GRIK2: variants seen among roughly 807,000 people sequenced by gnomAD.
The protein encoded by GRIK2 is glutamate ionotropic receptor kainate type subunit 2.
Under a neutral mutation model 100.3 loss-of-function variants are expected in GRIK2, and 32 were observed. The observed-to-expected ratio is 0.32, with a 90% CI of 0.24 to 0.43. GRIK2 has a LOEUF of 0.43. Among genes scored for constraint, GRIK2 ranks in the 20% least tolerant of loss-of-function variants. The probability of loss-of-function intolerance (pLI) is 1.00; values close to 1 mark genes in which losing one functional copy is unlikely to be tolerated. For synonymous variants in GRIK2, 417 were observed against 389.4 expected (o/e 1.07, Z -0.83); for missense variants, 843 against 1,114.9 (o/e 0.76, Z 3.47).
intron 7 of GRIK2, among the ~76,000 whole-genome samples, chr6:101,724,376 G>A (rs569891145): frequency 6.6e-6 from 1 of 151,488 alleles, no homozygotes; most frequent in Non-Finnish European, 1.5e-5. Flanking sequence ...TTCCTGTATC[G>A]ATCGTGCCCA....
intron 2 of GRIK2, among the ~76,000 whole-genome samples, chr6:101,522,896 A>G (rs1259353211): frequency 6.7e-6 from 1 of 150,320 alleles, no homozygotes; most frequent in African/African-American, 2.4e-5. Context: ...AGCCAAATAT[A>G]TTTATTATAT....
At chr6:101,404,450 A>G (rs1775495037) in intron 2 of GRIK2, among the ~76,000 whole-genome samples, 1 of 152,240 alleles carries the variant, frequency 6.6e-6, no homozygotes, top group Non-Finnish European at 1.5e-5. Flanking sequence ...TAGAAATTAA[A>G]CGTTCAGGTG....
rs573432155 is a variant in GRIK2, at chr6:101,427,909, G to A, written c.115+28517G>A. The stretch of plus-strand genomic sequence containing the variant: ...TGATGTAAAATTTCTGGGATGCTTC[G>A]ATGGATCACAGAGGCAATGGGTAAT... On this transcript the variant is annotated intron_variant, in intron 2 of 16. Coordinates refer to ENST00000369134, the MANE Select transcript of GRIK2 (RefSeq NM_021956.5). Among the ~76,000 whole-genome samples the A allele has an allele frequency of 1.4e-4, 21 of 152,244 alleles. No individual in the cohort carries two copies. In the East Asian group the frequency reaches 2.3e-3, roughly 17 times the overall value.
chr6:101,692,288 G>A (rs1772166296), intron 7 of GRIK2, among the ~76,000 whole-genome samples: 1 of 151,976 alleles, frequency 6.6e-6, no homozygotes, highest in African/African-American at 2.4e-5. Context: ...GAAGCATTTT[G>A]AAAAAGTTGG....
intron 2 of GRIK2, among the ~76,000 whole-genome samples, chr6:101,523,066 G>A (rs1206065612): frequency 6.6e-6 from 1 of 151,772 alleles, no homozygotes; most frequent in African/African-American, 2.4e-5. Flanking sequence ...ATTTTCACAT[G>A]GTATGCAACA....
chr6:101,533,003 G>A (rs2518259), intron 2 of GRIK2, among the ~76,000 whole-genome samples: 136,235 of 151,826 alleles, frequency 0.9, 61,294 homozygotes, highest in African/African-American at 0.95. Flanking sequence ...AAATAAATAA[G>A]TTGAGGAAAT....
chr6:101,995,539 C>A (rs1354123490), intron 14 of GRIK2, among the ~76,000 whole-genome samples: 1 of 151,888 alleles, frequency 6.6e-6, no homozygotes, highest in Admixed American at 6.6e-5. Context: ...TACTTGACAG[C>A]AAAGAGCAGA....
intron 2 of GRIK2, among the ~76,000 whole-genome samples, chr6:101,453,614 G>A (rs1332895080): frequency 2.0e-5 from 3 of 151,790 alleles, no homozygotes; most frequent in South Asian, 2.1e-4. Flanking sequence ...AGTTTCCACC[G>A]TCTTATTAGT....
chr6:102,053,033 AC>A (rs1428859303), intron 15 of GRIK2, among the ~76,000 whole-genome samples: 1 of 151,774 alleles, frequency 6.6e-6, no homozygotes, highest in Non-Finnish European at 1.5e-5. Flanking sequence ...CCACCACTGC[AC>A]TCCAGCCTGG....
chr6:101,623,919 C>T (rs1165585803), intron 3 of GRIK2, among the ~76,000 whole-genome samples: 1 of 151,704 alleles, frequency 6.6e-6, no homozygotes, highest in Non-Finnish European at 1.5e-5. Context: ...ATAACAGAGC[C>T]AATATTTTTT....
rs1037933280 is a variant in GRIK2 at position 101,494,989 on chromosome 6, A to G, written c.115+95597A>G. ...TATGCATTTATATATATATATATAT[A>G]TATATATATATGAAGGAAAATTATA... On this transcript the variant is annotated intron_variant, in intron 2 of 16. Transcript: ENST00000369134. Among the ~76,000 whole-genome samples the G allele has an allele frequency of 3.0e-4, 43 of 145,586 alleles. 2 individuals carry two copies. The highest frequency in any genetic ancestry group is 4.5e-5 in the Non-Finnish European group (3 of 66,340).
At chr6:101,919,018 A>T (rs1789321384) in intron 12 of GRIK2, among the ~76,000 whole-genome samples, 1 of 151,788 alleles carries the variant, frequency 6.6e-6, no homozygotes, top group African/African-American at 2.4e-5. Flanking sequence ...CTTTTCACTT[A>T]ATAGAAACAG....
intron 7 of GRIK2, among the ~76,000 whole-genome samples, chr6:101,734,282 T>C (rs186547541): frequency 1.6e-3 from 251 of 152,294 alleles, no homozygotes; most frequent in Non-Finnish European, 9.1e-4. Flanking sequence ...GTTAATGTTA[T>C]AGTTCCAGTC....
At chr6:101,523,941 C>T (rs554405047) in intron 2 of GRIK2, among the ~76,000 whole-genome samples, 3 of 152,108 alleles carry the variant, frequency 2.0e-5, no homozygotes, top group East Asian at 3.9e-4. Flanking sequence ...GGGCTGGCCT[C>T]GAACCCCTGA....
At chr6:101,959,073 A>G (rs1029712427) in intron 14 of GRIK2, among the ~76,000 whole-genome samples, 1 of 151,988 alleles carries the variant, frequency 6.6e-6, no homozygotes, top group Non-Finnish European at 1.5e-5. Flanking sequence ...CTTCTCATCA[A>G]TTTTATGCAA....
At chr6:101,673,440 C>T (rs966159608) in intron 4 of GRIK2, among the ~76,000 whole-genome samples, 2 of 152,136 alleles carry the variant, frequency 1.3e-5, no homozygotes, top group African/African-American at 4.8e-5. Flanking sequence ...CTTTTCACAG[C>T]TCTTAGGTTA....
chr6:101,744,091 C>T (rs1434139385), intron 7 of GRIK2, among the ~76,000 whole-genome samples: 11 of 151,944 alleles, frequency 7.2e-5, no homozygotes, highest in African/African-American at 1.9e-4. Flanking sequence ...TATAGGCGCC[C>T]GCCACCACGC....
At chr6:101,425,125 T>A (rs996631612) in intron 2 of GRIK2, among the ~76,000 whole-genome samples, 1 of 152,196 alleles carries the variant, frequency 6.6e-6, no homozygotes, top group South Asian at 2.1e-4. Flanking sequence ...GCAGTAAACA[T>A]ACATGTGCAT....
intron 14 of GRIK2, among the ~76,000 whole-genome samples, chr6:102,014,359 G>A (rs569302488): frequency 2.0e-5 from 3 of 151,546 alleles, no homozygotes; most frequent in Non-Finnish European, 4.4e-5. Flanking sequence ...CTAGCTAGTG[G>A]TCTATGTATT....
Sources: allele counts gnomAD v4.1 joint callset (sites outside exome capture counted in the v4.1 genomes callset), GRCh38; gene constraint gnomAD v4.1.1; transcripts MANE v1.5; gene names NCBI Gene and HGNC (gene_info 2026-07-23, HGNC 2026-07-21).